Variants in CPA6 observed in about 807,000 individuals in gnomAD.
The protein encoded by CPA6 is carboxypeptidase A6, also known as carboxypeptidase B.
Under a neutral mutation model 63.3 loss-of-function variants are expected in CPA6, and 58 were observed. The ratio of observed to expected loss-of-function variants is 0.92; its 90% CI spans 0.74 to 1.14. The LOEUF is 1.14. CPA6 is among the 50% of genes most tolerant of loss of function. The probability of loss-of-function intolerance (pLI) is 0.00; values close to 1 mark genes in which losing one functional copy is unlikely to be tolerated. For synonymous variants in CPA6, 185 were observed against 179.0 expected (o/e 1.03, Z -0.27); for missense variants, 565 against 526.6 (o/e 1.07, Z -0.71).
At chr8:67,745,585 A>T (rs1817992229) in intron 1 of CPA6, among the ~76,000 whole-genome samples, 1 of 152,196 alleles carries the variant, frequency 6.6e-6, no homozygotes, top group Non-Finnish European at 1.5e-5. Flanking sequence ...AGACAAAAAA[A>T]AAATCACACT....
chr8:67,547,203 C>T lies in CPA6; in HGVS notation c.193-29156G>A, dbSNP rs146450600. 7.1e-3 allele frequency among the ~76,000 whole-genome samples: 1,086 copies of T among 152,162 alleles called. 16 individuals are homozygous for T. Among genetic ancestry groups the T allele is most frequent in the African/African-American group, 0.025 (1,034 of 41,534 alleles). On this transcript the variant is annotated intron_variant, in intron 2 of 10. Transcript: ENST00000297770. ...CTGAGACTACAGGCGCCCGCCACCA[C>T]GCCCGGCTAAATTTTTGTATTTTTA... is the stretch of plus-strand genomic sequence containing the variant.
rs145480049 is a variant in CPA6 at position 67,645,072 on chromosome 8, C to T, written c.117-20821G>A. On this transcript the variant is annotated intron_variant, in intron 1 of 10. Coordinates refer to ENST00000297770, the MANE Select transcript of CPA6 (RefSeq NM_020361.5). ...TCCTATATATTACTGTAGTGCCTTG[C>T]TCTGAGGGTGAAAAATTCTCAGGGG... Among the ~76,000 whole-genome samples the T allele has an allele frequency of 4.4e-3, 675 of 152,236 alleles. 8 individuals carry two copies. The highest frequency in any genetic ancestry group is 0.015 in the African/African-American group (634 of 41,552).
chr8:67,578,634 T>C (rs1042213563), intron 2 of CPA6, among the ~76,000 whole-genome samples: 1 of 152,198 alleles, frequency 6.6e-6, no homozygotes, highest in Non-Finnish European at 1.5e-5. Context: ...CCTGTTACTA[T>C]AATGAGTTTT....
chr8:67,449,982 A>G (rs929269658), intron 8 of CPA6, among the ~76,000 whole-genome samples: 2 of 151,804 alleles, frequency 1.3e-5, no homozygotes. Flanking sequence ...CGCCCGGATA[A>G]TTTTTGTATT....
chr8:67,541,562 C>G (rs1812706476), intron 2 of CPA6, among the ~76,000 whole-genome samples: 1 of 152,162 alleles, frequency 6.6e-6, no homozygotes, highest in Non-Finnish European at 1.5e-5. Context: ...TGTGGACCCC[C>G]TTAGAGTTGT....
intron 2 of CPA6, among the ~76,000 whole-genome samples, chr8:67,588,810 C>T (rs547859676): frequency 2.0e-5 from 3 of 152,118 alleles, no homozygotes; most frequent in East Asian, 1.9e-4. Flanking sequence ...ATCAAGATCA[C>T]GAGTGATGGA....
At chr8:67,557,452 T>TCTC (rs1158708165) in intron 2 of CPA6, among the ~76,000 whole-genome samples, 2 of 152,234 alleles carry the variant, frequency 1.3e-5, no homozygotes, top group East Asian at 3.8e-4. Context: ...TGCTGCTGCC[T>TCTC]CTTACATACC....
chr8:67,555,116 G>T (rs1276618975), intron 2 of CPA6, among the ~76,000 whole-genome samples: 1 of 152,144 alleles, frequency 6.6e-6, no homozygotes, highest in Non-Finnish European at 1.5e-5. Context: ...TAAATATTTG[G>T]TTTTTGTCCC....
chr8:67,487,127 C>A lies in CPA6; in HGVS notation c.637-2338G>T, dbSNP rs112295716. 2.2e-3 allele frequency among the ~76,000 whole-genome samples: 339 copies of A among 152,236 alleles called. 2 individuals are homozygous for A. The highest frequency in any genetic ancestry group is 2.3e-3 in the Non-Finnish European group (156 of 68,024). On this transcript the variant is annotated intron_variant, in intron 6 of 10. Coordinates refer to ENST00000297770, the MANE Select transcript of CPA6 (RefSeq NM_020361.5). ...CGTGCAGGTTTGTTACATAGGTATA[C>A]ATGTGCCATGTTGGTTTGCTGCACC...
chr8:67,534,923 T>C (rs923906506), intron 2 of CPA6, among the ~76,000 whole-genome samples: 1 of 150,084 alleles, frequency 6.7e-6, no homozygotes, highest in Non-Finnish European at 1.5e-5. Context: ...TGTGCCCATA[T>C]GCTTTCATTA....
chr8:67,557,166 G>T (rs1195912853), intron 2 of CPA6, among the ~76,000 whole-genome samples: 1 of 152,158 alleles, frequency 6.6e-6, no homozygotes, highest in Non-Finnish European at 1.5e-5. Context: ...TGCCACCAGA[G>T]GTTAGAGAGT....
At chr8:67,427,582 C>A (rs998463159) in intron 10 of CPA6, among the ~76,000 whole-genome samples, 2 of 152,100 alleles carry the variant, frequency 1.3e-5, no homozygotes, top group Admixed American at 1.3e-4. Context: ...AAAAGAAATA[C>A]TTTTACATCA....
At chr8:67,648,607 C>T (rs1160534262) in intron 1 of CPA6, among the ~76,000 whole-genome samples, 1 of 152,150 alleles carries the variant, frequency 6.6e-6, no homozygotes, top group Non-Finnish European at 1.5e-5. Context: ...CAGGGTCTGC[C>T]ACATCGGTGA....
At chr8:67,514,713 T>C (rs560023783) in intron 3 of CPA6, among the ~76,000 whole-genome samples, 1 of 152,368 alleles carries the variant, frequency 6.6e-6, no homozygotes, top group East Asian at 1.9e-4. Context: ...AATAGAGACT[T>C]GTTAAACTAA....
intron 2 of CPA6, among the ~76,000 whole-genome samples, chr8:67,623,315 C>T (rs1254997304): frequency 1.3e-5 from 2 of 152,124 alleles, no homozygotes; most frequent in East Asian, 1.9e-4. Context: ...ACTAGAAATA[C>T]AGCAATGAAC....
At chr8:67,611,425 T>C (rs1043795158) in intron 2 of CPA6, among the ~76,000 whole-genome samples, 2 of 152,138 alleles carry the variant, frequency 1.3e-5, no homozygotes, top group African/African-American at 4.8e-5. Flanking sequence ...CTTTAGATGG[T>C]AGGGTTAGGG....
intron 8 of CPA6, among the ~76,000 whole-genome samples, chr8:67,479,961 C>G (rs938807686): frequency 6.6e-6 from 1 of 151,864 alleles, no homozygotes; most frequent in African/African-American, 2.4e-5. Flanking sequence ...CAGAACAGCC[C>G]CCGGCTCCAC....
At chr8:67,545,536 T>C (rs1365995053) in intron 2 of CPA6, among the ~76,000 whole-genome samples, 1 of 151,568 alleles carries the variant, frequency 6.6e-6, no homozygotes, top group Non-Finnish European at 1.5e-5. Context: ...TTCATTAATC[T>C]GTTTCTTTCC....
chr8:67,737,076 CT>C (rs1382162591), intron 1 of CPA6, among the ~76,000 whole-genome samples: 2 of 152,160 alleles, frequency 1.3e-5, no homozygotes, highest in Non-Finnish European at 2.9e-5. Context: ...AGAGAACTTT[CT>C]TTTAAAAATT....
Sources: allele counts gnomAD v4.1 joint callset (sites outside exome capture counted in the v4.1 genomes callset), GRCh38; gene constraint gnomAD v4.1.1; transcripts MANE v1.5; gene names NCBI Gene and HGNC (gene_info 2026-07-23, HGNC 2026-07-21).